The following SH3D19 variants were observed in gnomAD, a reference collection of about 807,000 sequenced individuals.
SH3D19 encodes SH3 domain containing 19.
In SH3D19, 58 loss-of-function variants were observed where a neutral mutation model predicts 112.1. The ratio of observed to expected loss-of-function variants is 0.52; its 90% CI spans 0.42 to 0.64. The LOEUF (loss-of-function observed/expected upper bound fraction) is 0.64. Among genes scored for constraint, SH3D19 ranks in the 30% least tolerant of loss-of-function variants. The pLI, the probability that SH3D19 is intolerant of heterozygous loss-of-function variation, is 0.00. For synonymous variants in SH3D19, 391 were observed against 448.5 expected, an observed-to-expected ratio of 0.87 and a Z score of 1.62; for missense variants, 1,090 against 1,263.4, an observed-to-expected ratio of 0.86 and a Z score of 2.08.
intron 7 of SH3D19, 65 bp from the exon 8 acceptor site, chr4:151,165,761 T>A: frequency 3.6e-6 from 5 of 1,385,268 alleles, no homozygotes; most frequent in Non-Finnish European, 5.1e-6. Flanking sequence ...AAAACCTCAT[T>A]CATAATTTAA....
chr4:151,159,078 A>C (rs1351311254), intron 9 of SH3D19, among the ~76,000 whole-genome samples, 162 bp downstream of exon 9: 2 of 152,234 alleles, frequency 1.3e-5, no homozygotes, highest in Non-Finnish European at 2.9e-5. Flanking sequence ...AACATATTGA[A>C]CACTATATTA....
At chr4:151,298,973 C>T (rs938087393) in intron 1 of SH3D19, among the ~76,000 whole-genome samples, 2 of 152,306 alleles carry the variant, frequency 1.3e-5, no homozygotes, top group East Asian at 1.9e-4. Context: ...CCCACATAAT[C>T]GTAGTGTTCC....
At chr4:151,319,453 A>G (rs1730327350) in intron 1 of SH3D19, among the ~76,000 whole-genome samples, 2 of 152,264 alleles carry the variant, frequency 1.3e-5, no homozygotes, top group South Asian at 4.1e-4. Context: ...AATAAATTAG[A>G]CAACTTTGGA....
chr4:151,220,737 C>T (rs888832251), intron 2 of SH3D19, among the ~76,000 whole-genome samples: 1 of 152,186 alleles, frequency 6.6e-6, no homozygotes, highest in African/African-American at 2.4e-5. Flanking sequence ...TGTAGTATAG[C>T]TCTCACTTGG....
chr4:151,207,746 G>T (rs904346249), intron 2 of SH3D19, among the ~76,000 whole-genome samples: 1 of 152,200 alleles, frequency 6.6e-6, no homozygotes, highest in Non-Finnish European at 1.5e-5. Context: ...AGGTGTTTAT[G>T]CAGATGCTGG....
chr4:151,263,790 TTTG>T (rs145008066), intron 1 of SH3D19, among the ~76,000 whole-genome samples: 69,064 of 150,806 alleles, frequency 0.46, 16,700 homozygotes, highest in African/African-American at 0.6. Context: ...AGCTACAGTT[TTTG>T]TTGTTGTTGT....
chr4:151,307,068 G>T (rs1264242026), intron 1 of SH3D19, among the ~76,000 whole-genome samples: 3 of 148,932 alleles, frequency 2.0e-5, no homozygotes, highest in African/African-American at 7.4e-5. Flanking sequence ...GCCCAGGCTG[G>T]AGTGCAGTGG....
At chr4:151,170,256 T>C (rs1758814549) in intron 7 of SH3D19, among the ~76,000 whole-genome samples, 1 of 152,126 alleles carries the variant, frequency 6.6e-6, no homozygotes, top group South Asian at 2.1e-4. Context: ...CGAATATATT[T>C]TACTTTTCTA....
At chr4:151,223,294 T>C (rs543785861) in intron 2 of SH3D19, among the ~76,000 whole-genome samples, 5 of 152,152 alleles carry the variant, frequency 3.3e-5, no homozygotes, top group Non-Finnish European at 7.3e-5. Flanking sequence ...GCATCAACTA[T>C]TACTTTGAGA....
At chr4:151,268,126 G>A (rs1772950833) in intron 1 of SH3D19, among the ~76,000 whole-genome samples, 1 of 152,144 alleles carries the variant, frequency 6.6e-6, no homozygotes, top group Admixed American at 6.5e-5. Flanking sequence ...ACACACCTAG[G>A]TTACATGCTA....
chr4:151,229,975 T>C (rs959487433), intron 1 of SH3D19, among the ~76,000 whole-genome samples: 17 of 152,186 alleles, frequency 1.1e-4, no homozygotes, highest in African/African-American at 3.9e-4. Context: ...TGGTTGTGTG[T>C]GTATAAATGC....
chr4:151,287,750 G>A (rs1774953606), intron 1 of SH3D19, among the ~76,000 whole-genome samples: 1 of 152,070 alleles, frequency 6.6e-6, no homozygotes, highest in South Asian at 2.1e-4. Context: ...TTAAATATTA[G>A]CCACCTGTAG....
At chr4:151,277,978 T>C (rs1580383673) in intron 1 of SH3D19, among the ~76,000 whole-genome samples, 2 of 151,772 alleles carry the variant, frequency 1.3e-5, no homozygotes, top group South Asian at 4.2e-4. Flanking sequence ...AAAGTGGAGG[T>C]TGCAGTAAGC....
At chr4:151,255,129 C>G (rs1032222790) in intron 1 of SH3D19, among the ~76,000 whole-genome samples, 3 of 150,450 alleles carry the variant, frequency 2.0e-5, no homozygotes, top group Non-Finnish European at 4.4e-5. Context: ...GGGGGCTGAC[C>G]CCCCCCACCT....
chr4:151,183,978 T>G (rs542208299), intron 3 of SH3D19, among the ~76,000 whole-genome samples: 3 of 152,224 alleles, frequency 2.0e-5, no homozygotes, highest in Non-Finnish European at 4.4e-5. Context: ...TATTTTATAA[T>G]GTATGGAAAC....
intron 1 of SH3D19, among the ~76,000 whole-genome samples, chr4:151,267,691 A>C (rs76454073): frequency 6.6e-6 from 1 of 152,310 alleles, no homozygotes; most frequent in East Asian, 1.9e-4. Context: ...ATAGGGAAGA[A>C]TTCCTTTAGT....
intron 4 of SH3D19, among the ~76,000 whole-genome samples, chr4:151,178,483 T>C (rs572282889): frequency 3.9e-5 from 6 of 152,376 alleles, no homozygotes; most frequent in African/African-American, 9.6e-5. Context: ...CCTTTGCTTA[T>C]AGCTTTTGTC....
At chr4:151,125,146 A>G (rs1026576085) in intron 19 of SH3D19, among the ~76,000 whole-genome samples, 2 of 152,132 alleles carry the variant, frequency 1.3e-5, no homozygotes, top group African/African-American at 4.8e-5. Context: ...CGAGTTTTTA[A>G]TTTTGCATAG....
intron 1 of SH3D19, among the ~76,000 whole-genome samples, chr4:151,318,582 C>T (rs1254022142): frequency 3.9e-5 from 6 of 152,012 alleles, no homozygotes; most frequent in African/African-American, 1.5e-4. Flanking sequence ...AATGCAGACT[C>T]AACTGTGAAA....
Sources: gnomAD v4.1 joint callset for allele counts (sites outside exome capture counted in the v4.1 genomes callset) on GRCh38, gnomAD v4.1.1 for gene constraint, MANE v1.5 for transcripts, NCBI Gene and HGNC (gene_info 2026-07-23, HGNC 2026-07-21) for gene names.